Variants in GALNT13 observed in about 807,000 individuals in gnomAD.
GALNT13 encodes UDP-GalNAc:polypeptide N-acetylgalactosaminyltransferase 13.
A neutral mutation model predicts 64.2 loss-of-function variants in GALNT13; 28 were observed. The observed-to-expected ratio is 0.44, with a 90% CI of 0.32 to 0.60. GALNT13 has a LOEUF of 0.60. Ranked by LOEUF, GALNT13 falls within the 20% of genes least tolerant of loss-of-function variation. The pLI, the probability that GALNT13 is intolerant of heterozygous loss-of-function variation, is 0.05. For synonymous variants in GALNT13, 214 were observed against 224.6 expected (o/e 0.95, Z 0.42); for missense variants, 577 against 669.8 (o/e 0.86, Z 1.53).
chr2:154,052,338 T>A (rs1574414931), intron 3 of GALNT13, among the ~76,000 whole-genome samples: 2 of 152,308 alleles, frequency 1.3e-5, no homozygotes, highest in East Asian at 3.9e-4. Flanking sequence ...ACATTCTATG[T>A]TTTAATCCAA....
At chr2:154,098,296 C>CT (rs1491096184) in intron 3 of GALNT13, among the ~76,000 whole-genome samples, 1 of 151,780 alleles carries the variant, frequency 6.6e-6, no homozygotes, top group African/African-American at 2.4e-5. Flanking sequence ...GTTTTATCCC[C>CT]TGATTATCTC....
intron 4 of GALNT13, among the ~76,000 whole-genome samples, chr2:154,188,918 GGCA>G (rs1179188641): frequency 6.6e-6 from 1 of 151,904 alleles, no homozygotes. Flanking sequence ...TACTTTTAAT[GGCA>G]AAAACTGCAA....
chr2:153,827,557 C>T, the GALNT13 span, among the ~76,000 whole-genome samples: 11,394 of 144,138 alleles, frequency 0.079, 510 homozygotes, highest in African/African-American at 0.12. Context: ...ACCCGGGAGG[C>T]GGAGCTTGCA....
the GALNT13 span, among the ~76,000 whole-genome samples, chr2:153,741,654 A>G: frequency 6.6e-6 from 1 of 151,976 alleles, no homozygotes; most frequent in South Asian, 2.1e-4. Context: ...GCTACTGTAT[A>G]CCACTTGTAT....
the GALNT13 span, among the ~76,000 whole-genome samples, chr2:153,847,907 G>C: frequency 2.0e-5 from 3 of 152,172 alleles, no homozygotes; most frequent in African/African-American, 7.2e-5. Context: ...GCTACAGTTT[G>C]ATCCCATGGA....
At chr2:154,023,215 G>T (rs977013610) in intron 3 of GALNT13, among the ~76,000 whole-genome samples, 1 of 152,112 alleles carries the variant, frequency 6.6e-6, no homozygotes, top group Non-Finnish European at 1.5e-5. Context: ...GGTCCACTTG[G>T]TGCAGAGCTG....
the GALNT13 span, among the ~76,000 whole-genome samples, chr2:153,259,962 G>T: frequency 6.6e-6 from 1 of 151,504 alleles, no homozygotes; most frequent in Admixed American, 6.6e-5. Context: ...TTTATGTTTT[G>T]TGTATCTGTT....
chr2:153,799,080 G>C, the GALNT13 span, among the ~76,000 whole-genome samples: 1 of 152,114 alleles, frequency 6.6e-6, no homozygotes, highest in Non-Finnish European at 1.5e-5. Context: ...GCCTCACTGG[G>C]TGACTTAACA....
the GALNT13 span, among the ~76,000 whole-genome samples, chr2:153,469,344 G>T: frequency 0.075 from 11,377 of 152,066 alleles, 503 homozygotes; most frequent in South Asian, 0.15. Flanking sequence ...AGTCTTTATG[G>T]TTGAGAAATT....
chr2:154,395,855 A>C, intron 9 of GALNT13, 136 bp from the exon 10 acceptor site: 1 of 618,938 alleles, frequency 1.6e-6, no homozygotes, highest in Non-Finnish European at 2.6e-6. Context: ...GTAAAAATCC[A>C]GTGGAGTAGC....
intron 3 of GALNT13, among the ~76,000 whole-genome samples, chr2:154,024,459 T>C (rs1166445573): frequency 2.6e-5 from 4 of 152,228 alleles, no homozygotes; most frequent in African/African-American, 9.6e-5. Flanking sequence ...CCATCACTGA[T>C]ACCCTTTCTT....
At chr2:153,668,964 A>G in the GALNT13 span, among the ~76,000 whole-genome samples, 1 of 152,168 alleles carries the variant, frequency 6.6e-6, no homozygotes, top group Non-Finnish European at 1.5e-5. Flanking sequence ...ACAGAACAGG[A>G]AAATCTTGCA....
chr2:153,097,716 A>G, the GALNT13 span, among the ~76,000 whole-genome samples: 1 of 152,122 alleles, frequency 6.6e-6, no homozygotes, highest in Admixed American at 6.6e-5. Context: ...TAATCTCACC[A>G]TTCTTTCCTA....
chr2:154,220,566 A>G (rs1281344726), intron 4 of GALNT13, among the ~76,000 whole-genome samples: 1 of 146,352 alleles, frequency 6.8e-6, no homozygotes, highest in Non-Finnish European at 1.5e-5. Flanking sequence ...ATATTTCTGA[A>G]GAAAAGAAAA....
intron 11 of GALNT13, among the ~76,000 whole-genome samples, chr2:154,427,373 T>C (rs1193292257): frequency 6.6e-6 from 1 of 152,026 alleles, no homozygotes; most frequent in Admixed American, 6.6e-5. Context: ...TGGGTAAAAA[T>C]GGTAAGAGAG....
At chr2:154,205,018 A>AATGGGTGG (rs1322060184) in intron 4 of GALNT13, among the ~76,000 whole-genome samples, 1 of 152,162 alleles carries the variant, frequency 6.6e-6, no homozygotes, top group Non-Finnish European at 1.5e-5. Context: ...GTGATGGATG[A>AATGGGTGG]ATGGGTGGAT....
the GALNT13 span, among the ~76,000 whole-genome samples, chr2:153,610,901 T>C: frequency 6.6e-6 from 1 of 152,108 alleles, no homozygotes; most frequent in African/African-American, 2.4e-5. Context: ...ATAAATTTTT[T>C]AAAATATTAA....
chr2:153,793,268 G>A, the GALNT13 span, among the ~76,000 whole-genome samples: 5 of 151,724 alleles, frequency 3.3e-5, no homozygotes, highest in African/African-American at 7.3e-5. Context: ...CACCGCACCC[G>A]GCCCTGAGGT....
the GALNT13 span, among the ~76,000 whole-genome samples, chr2:153,850,507 CAAT>C: frequency 3.0e-4 from 45 of 152,148 alleles, no homozygotes; most frequent in African/African-American, 1.1e-3. Flanking sequence ...GTAGAATTAA[CAAT>C]GTCTGCCAAT....
Sources: allele counts gnomAD v4.1 joint callset (sites outside exome capture counted in the v4.1 genomes callset), GRCh38; gene constraint gnomAD v4.1.1; transcripts MANE v1.5; gene names NCBI Gene and HGNC (gene_info 2026-07-23, HGNC 2026-07-21).